RBL1: variants seen among roughly 807,000 people sequenced by gnomAD.
RBL1 encodes RB transcriptional corepressor like 1.
A neutral mutation model predicts 123.0 loss-of-function variants in RBL1; 82 were observed. The observed-to-expected ratio is 0.67, with a 90% confidence interval of 0.56 to 0.80. RBL1 has a LOEUF of 0.80. Among genes scored for constraint, RBL1 ranks in the 30% least tolerant of loss-of-function variants. The pLI is 0.00. For synonymous variants in RBL1, 405 were observed against 441.3 expected (o/e 0.92, Z 1.03); for missense variants, 1,171 against 1,299.6 (o/e 0.90, Z 1.52).
intron 20 of RBL1, among the ~76,000 whole-genome samples, chr20:37,005,602 G>C (rs1388083936): frequency 2.0e-5 from 3 of 152,068 alleles, no homozygotes; most frequent in Non-Finnish European, 4.4e-5. Flanking sequence ...GACTTCATAT[G>C]GAAATGGAAA....
chr20:37,024,074 T>C (rs1027740794), intron 16 of RBL1, among the ~76,000 whole-genome samples: 1 of 151,976 alleles, frequency 6.6e-6, no homozygotes, highest in Admixed American at 6.6e-5. Context: ...CATGAGTCAC[T>C]GCGCCTGGCC....
intron 19 of RBL1, among the ~76,000 whole-genome samples, chr20:37,012,066 T>C (rs1235992447): frequency 1.3e-5 from 2 of 152,226 alleles, no homozygotes; most frequent in Non-Finnish European, 2.9e-5. Flanking sequence ...GGTTTCGCTG[T>C]GTTGGCTGGG....
chr20:37,012,342 G>A (rs1348021630), intron 19 of RBL1, among the ~76,000 whole-genome samples: 1 of 151,724 alleles, frequency 6.6e-6, no homozygotes, highest in Non-Finnish European at 1.5e-5. Context: ...GGGATGTGAG[G>A]AGCCCCTCTG....
intron 2 of RBL1, among the ~76,000 whole-genome samples, chr20:37,083,329 GT>G (rs1476139733): frequency 6.6e-6 from 1 of 151,574 alleles, no homozygotes; most frequent in East Asian, 2.0e-4. Context: ...TTACCTGAGC[GT>G]GATGAAATGC....
chr20:37,082,148 C>T, intron 2 of RBL1: 2 of 369,094 alleles, frequency 5.4e-6, no homozygotes, highest in Non-Finnish European at 1.1e-5. Context: ...AAGAATACAA[C>T]CAGAAACCCC....
intron 19 of RBL1, among the ~76,000 whole-genome samples, chr20:37,016,669 G>A (rs540459059): frequency 1.3e-5 from 2 of 152,212 alleles, no homozygotes; most frequent in East Asian, 3.9e-4. Flanking sequence ...GCTTACACCT[G>A]TCATCCCAGC....
At chr20:37,095,159 G>A (rs1201604710) in intron 1 of RBL1, among the ~76,000 whole-genome samples, 1 of 152,346 alleles carries the variant, frequency 6.6e-6, no homozygotes, top group East Asian at 1.9e-4. Context: ...CTCTGACGGA[G>A]GAGGAAACGT....
rs887451263 is a variant in RBL1 at position 37,055,517 on chromosome 20, G to A, written c.1467+36C>T. On this transcript the variant is annotated intron_variant, in intron 11 of 21. Transcript: ENST00000373664. ...AACACTGCTTCCAGGCTGACTTTTG[G>A]ACCTTGCCAGTAGCTCAGAGAGTGG... The A allele has an allele frequency of 2.5e-6, 4 of 1,613,152 alleles. No individual in the cohort carries two copies. The African/African-American group carries it at 5.3e-5, about 22-fold the overall frequency.
At chr20:37,036,097 T>C (rs1433807533) in intron 14 of RBL1, among the ~76,000 whole-genome samples, 1 of 152,180 alleles carries the variant, frequency 6.6e-6, no homozygotes, top group Non-Finnish European at 1.5e-5. Context: ...GTAAGGATTA[T>C]GGATTTTGCC....
chr20:37,095,759 C>G lies in RBL1; in HGVS notation c.156+14G>C, dbSNP rs1439532632. 2 of 1,575,294 alleles carry G rather than the reference C, an allele frequency of 1.3e-6. No homozygotes were observed. Among genetic ancestry groups the G allele is most frequent in the Non-Finnish European group, 1.7e-6 (2 of 1,155,586 alleles). On this transcript the variant is annotated intron_variant, in intron 1 of 21. Coordinates refer to ENST00000373664, the MANE Select transcript of RBL1 (RefSeq NM_002895.5). Reference sequence around the variant, plus strand: ...CGAGGGTAGGGTCCGGCCGCCCCACCTGCTGCCGCTCACCTCTAGGCTGTA... The same window carrying G: ...CGAGGGTAGGGTCCGGCCGCCCCACGTGCTGCCGCTCACCTCTAGGCTGTA...
At chr20:37,069,589 A>C (rs1208036332) in intron 2 of RBL1, among the ~76,000 whole-genome samples, 1 of 125,860 alleles carries the variant, frequency 7.9e-6, no homozygotes, top group Non-Finnish European at 1.7e-5. Flanking sequence ...AAGTGAGGAG[A>C]CCCTCTGCCC....
chr20:37,095,546 A>G (rs1480797496), intron 1 of RBL1, among the ~76,000 whole-genome samples: 2 of 152,148 alleles, frequency 1.3e-5, no homozygotes, highest in Non-Finnish European at 2.9e-5. Flanking sequence ...CTGGGGTCTG[A>G]GCGGCGCGGG....
intron 15 of RBL1, among the ~76,000 whole-genome samples, chr20:37,033,246 C>T (rs1188297480): frequency 6.7e-6 from 1 of 149,126 alleles, no homozygotes; most frequent in African/African-American, 2.5e-5. Context: ...AGTGCAGTGG[C>T]GTGATCTCGG....
At chr20:37,084,358 T>C (rs1218070030) in intron 2 of RBL1, among the ~76,000 whole-genome samples, 1 of 152,096 alleles carries the variant, frequency 6.6e-6, no homozygotes. Context: ...TGAAAGATCC[T>C]TATACCCTAA....
chr20:37,095,833 C>G lies in RBL1; in HGVS notation c.96G>C (p.Glu32Asp), dbSNP rs1391702389. Residue 32 changes from glutamate (E) to aspartate (D), a missense_variant, in exon 1 of 22, where the codon GAG becomes GAC. Physicochemically the swap from Glu to Asp is conservative, Grantham distance 45. Coordinates refer to ENST00000373664, the MANE Select transcript of RBL1 (RefSeq NM_002895.5). Reference sequence around the variant, plus strand: ...CGTCCAGGGCTTCGGCCGCGCTCCCCTCGTCCAGGTTCAGCTCCTGGCACA... The same window carrying G: ...CGTCCAGGGCTTCGGCCGCGCTCCCGTCGTCCAGGTTCAGCTCCTGGCACA... The part of the protein sequence containing the change: ...QALCQELNLD[E>D]GSAAEALDDF... 1 of 1,609,016 alleles carries G rather than the reference C, an allele frequency of 6.2e-7. No individual in the cohort carries two copies. Among genetic ancestry groups the G allele is most frequent in the Admixed American group, 1.7e-5 (1 of 59,712 alleles).
intron 12 of RBL1, among the ~76,000 whole-genome samples, chr20:37,045,120 ATTTT>A (rs1297725158): frequency 6.9e-6 from 1 of 144,896 alleles, no homozygotes; most frequent in African/African-American, 2.6e-5. Flanking sequence ...TTATTTATTT[ATTTT>A]GAGACGGAGT....
At chr20:37,000,908 C>G (rs2063964907) in intron 21 of RBL1, among the ~76,000 whole-genome samples, 2 of 141,552 alleles carry the variant, frequency 1.4e-5, no homozygotes, top group East Asian at 4.4e-4. Flanking sequence ...GGGGGGTCAG[C>G]CCCCCGCCCG....
chr20:37,027,552 G>A (rs985313821), intron 16 of RBL1, among the ~76,000 whole-genome samples: 5 of 152,130 alleles, frequency 3.3e-5, no homozygotes, highest in African/African-American at 1.2e-4. Context: ...CTGCAGTCAT[G>A]TTTGGTTATA....
In RBL1 at chr20:36,997,496, A is replaced by C. The variant is rs1196048979; in HGVS notation, c.*1263T>G. 1 of 152,178 alleles carries C rather than the reference A, an allele frequency of 6.6e-6. No individual in the cohort carries two copies. The highest frequency in any genetic ancestry group is 1.5e-5 in the Non-Finnish European group (1 of 68,046). 9.4% of individuals were successfully genotyped at this position (152,178 alleles called of 1,614,324 possible). A position where few individuals can be genotyped will look rare whatever the true frequency, so the allele number is the denominator to read the frequency against. On this transcript the variant is annotated 3_prime_UTR_variant, in exon 22 of 22. Transcript: ENST00000373664. ...TAAGCAGCTATTTTACTGATGTATTAAATATATTAGAATTATGAGGCATGA... is the reference window on the plus strand; with the variant it reads ...TAAGCAGCTATTTTACTGATGTATTCAATATATTAGAATTATGAGGCATGA...
Sources: allele counts gnomAD v4.1 joint callset (sites outside exome capture counted in the v4.1 genomes callset), GRCh38; gene constraint gnomAD v4.1.1; transcripts MANE v1.5; gene names NCBI Gene and HGNC (gene_info 2026-07-23, HGNC 2026-07-21).